Variants in CLVS1 observed in about 807,000 individuals in gnomAD.
CLVS1 encodes clavesin-1.
Under a neutral mutation model 33.1 loss-of-function variants are expected in CLVS1, and 10 were observed. The ratio of observed to expected loss-of-function variants is 0.30; its 90% CI spans 0.19 to 0.51. The LOEUF (loss-of-function observed/expected upper bound fraction) is 0.51, where lower values mean the gene tolerates loss of function less well. Ranked by LOEUF, CLVS1 falls within the 20% of genes least tolerant of loss-of-function variation. The pLI is 0.97. For synonymous variants in CLVS1, 163 were observed against 166.1 expected (o/e 0.98, Z 0.14); for missense variants, 343 against 433.4 (o/e 0.79, Z 1.85).
chr8:61,105,503 G>C (rs1453429192), intron 1 of CLVS1, among the ~76,000 whole-genome samples: 1 of 152,268 alleles, frequency 6.6e-6, no homozygotes, highest in South Asian at 2.1e-4. Flanking sequence ...ATGATTCTCA[G>C]CTCTTAGGTC....
At chr8:61,466,869 G>A (rs1019181435) in intron 5 of CLVS1, among the ~76,000 whole-genome samples, 37 of 151,984 alleles carry the variant, frequency 2.4e-4, no homozygotes, top group African/African-American at 7.3e-4. Context: ...AGCTGGTCTC[G>A]AACTCCTGAT....
At chr8:61,456,179 G>C (rs2129607088) in intron 4 of CLVS1, among the ~76,000 whole-genome samples, 1 of 152,268 alleles carries the variant, frequency 6.6e-6, no homozygotes, top group South Asian at 2.1e-4. Flanking sequence ...GATTCTAAGA[G>C]GTAGAGGGTC....
chr8:61,492,940 C>G (rs570797989), intron 5 of CLVS1, among the ~76,000 whole-genome samples: 165 of 152,258 alleles, frequency 1.1e-3, no homozygotes, highest in African/African-American at 3.3e-3. Flanking sequence ...GAATACATGT[C>G]CTACAAATAT....
intron 3 of CLVS1, among the ~76,000 whole-genome samples, chr8:61,398,124 A>G (rs1306019581): frequency 2.1e-5 from 3 of 144,848 alleles, no homozygotes; most frequent in Non-Finnish European, 3.1e-5. Context: ...CTTTCCATTT[A>G]TTTAGATCTT....
At chr8:61,395,065 T>C (rs1375165446) in intron 3 of CLVS1, among the ~76,000 whole-genome samples, 1 of 152,188 alleles carries the variant, frequency 6.6e-6, no homozygotes, top group Non-Finnish European at 1.5e-5. Flanking sequence ...TCCTTATATA[T>C]TTTAGATACA....
intron 5 of CLVS1, among the ~76,000 whole-genome samples, chr8:61,486,202 T>C (rs1803877011): frequency 6.6e-6 from 1 of 152,158 alleles, no homozygotes; most frequent in African/African-American, 2.4e-5. Flanking sequence ...GAGCTCAGCT[T>C]TGAAAGAGGT....
chr8:61,455,178 TTGTGTGTGTG>T (rs35160609), intron 4 of CLVS1, among the ~76,000 whole-genome samples: 7 of 147,540 alleles, frequency 4.7e-5, no homozygotes, highest in African/African-American at 1.5e-4. Context: ...TAATTATGAT[TTGTGTGTGTG>T]TGTGTGTGTG....
At chr8:61,183,155 AG>A (rs56917170) in intron 2 of CLVS1, among the ~76,000 whole-genome samples, 1 of 149,100 alleles carries the variant, frequency 6.7e-6, no homozygotes, top group South Asian at 2.1e-4. Flanking sequence ...GGCAGGGCGG[AG>A]GGGGGCAGGC....
the CLVS1 span, among the ~76,000 whole-genome samples, chr8:61,014,097 T>C: frequency 6.6e-6 from 1 of 151,722 alleles, no homozygotes; most frequent in Non-Finnish European, 1.5e-5. Flanking sequence ...TTTTTTTTTT[T>C]TTTTTTTCTT....
intron 2 of CLVS1, chr8:61,203,255 A>T (rs1585685668): frequency 1.0e-6 from 1 of 985,250 alleles, no homozygotes; most frequent in East Asian, 2.4e-5. Context: ...TTTGTTAAAA[A>T]TTTTCCGTCT....
chr8:61,054,837 A>G (rs565733128), upstream of CLVS1, among the ~76,000 whole-genome samples: 1 of 152,262 alleles, frequency 6.6e-6, no homozygotes. Flanking sequence ...AGGATAAAAT[A>G]TGCTCCAGTG....
chr8:60,997,841 G>A, the CLVS1 span, among the ~76,000 whole-genome samples: 4 of 152,168 alleles, frequency 2.6e-5, no homozygotes, highest in Non-Finnish European at 4.4e-5. Flanking sequence ...AACAGTACAG[G>A]ATCACCTTGA....
intron 5 of CLVS1, among the ~76,000 whole-genome samples, chr8:61,496,822 G>A (rs190854905): frequency 1.3e-5 from 2 of 152,290 alleles, no homozygotes; most frequent in East Asian, 3.9e-4. Context: ...AACACTCGAT[G>A]TTTTAGCTAA....
At chr8:61,245,542 C>A (rs1023938907) in intron 2 of CLVS1, among the ~76,000 whole-genome samples, 1 of 151,822 alleles carries the variant, frequency 6.6e-6, no homozygotes, top group Non-Finnish European at 1.5e-5. Flanking sequence ...AATCTGACAT[C>A]TTTTATATTT....
chr8:61,214,801 G>T (rs567492516), intron 2 of CLVS1, among the ~76,000 whole-genome samples: 1 of 152,282 alleles, frequency 6.6e-6, no homozygotes, highest in South Asian at 2.1e-4. Flanking sequence ...GGCAAAGAAT[G>T]CATTGACCAT....
intron 2 of CLVS1, among the ~76,000 whole-genome samples, chr8:61,313,642 A>G (rs1345729764): frequency 6.6e-6 from 1 of 152,104 alleles, no homozygotes; most frequent in Non-Finnish European, 1.5e-5. Flanking sequence ...CTTGGTATCC[A>G]TGAGTACAGT....
At chr8:61,274,953 C>T (rs1247748130) in intron 2 of CLVS1, among the ~76,000 whole-genome samples, 7 of 151,960 alleles carry the variant, frequency 4.6e-5, no homozygotes, top group African/African-American at 1.2e-4. Context: ...TGGGAAGGCT[C>T]TCTGGTGATG....
chr8:61,213,213 T>C (rs1225325164), intron 2 of CLVS1, among the ~76,000 whole-genome samples: 1 of 150,064 alleles, frequency 6.7e-6, no homozygotes, highest in Non-Finnish European at 1.5e-5. Flanking sequence ...CTGAAATGTG[T>C]CCACTTGCTT....
chr8:60,967,471 T>A, the CLVS1 span: 1 of 339,116 alleles, frequency 2.9e-6, no homozygotes, highest in Non-Finnish European at 5.8e-6. Flanking sequence ...CATAGAGACA[T>A]AAATCGTGAA....
Sources: allele counts gnomAD v4.1 joint callset (sites outside exome capture counted in the v4.1 genomes callset), GRCh38; gene constraint gnomAD v4.1.1; transcripts MANE v1.5; gene names NCBI Gene and HGNC (gene_info 2026-07-23, HGNC 2026-07-21).